The following FBN2 variants were observed in gnomAD, a reference collection of about 807,000 sequenced individuals.
The protein encoded by FBN2 is fibrillin 2.
Under a neutral mutation model 355.6 loss-of-function variants are expected in FBN2, and 105 were observed. The ratio of observed to expected loss-of-function variants is 0.30; its 90% CI spans 0.25 to 0.35. The LOEUF (loss-of-function observed/expected upper bound fraction) is 0.35. FBN2 is among the 10% of genes least tolerant of loss of function. The probability of loss-of-function intolerance (pLI) is 1.00; values close to 1 mark genes in which losing one functional copy is unlikely to be tolerated. For synonymous variants in FBN2, 1,350 were observed against 1,301.2 expected, an observed-to-expected ratio of 1.04 and a Z score of -0.81; for missense variants, 3,280 against 3,758.7, an observed-to-expected ratio of 0.87 and a Z score of 3.33.
At chr5:128,471,828 GTTT>G (rs1442728803) in intron 5 of FBN2, among the ~76,000 whole-genome samples, 1 of 152,088 alleles carries the variant, frequency 6.6e-6, no homozygotes, top group Non-Finnish European at 1.5e-5. Context: ...TATACATGTA[GTTT>G]TTAATTTATT....
chr5:128,530,755 C>T (rs1561501177), intron 2 of FBN2, 62 bp from the exon 3 acceptor site: 4 of 1,083,460 alleles, frequency 3.7e-6, no homozygotes, highest in Non-Finnish European at 5.6e-6. Context: ...GTTTACAAAA[C>T]AAGAAAGCTG....
At chr5:128,421,970 A>T (rs1293473221) in intron 7 of FBN2, among the ~76,000 whole-genome samples, 2 of 152,208 alleles carry the variant, frequency 1.3e-5, no homozygotes, top group Non-Finnish European at 2.9e-5. Flanking sequence ...TATCAGTAGA[A>T]CAAGGAAATA....
At chr5:128,483,448 C>A (rs1221394525) in intron 5 of FBN2, among the ~76,000 whole-genome samples, 1 of 151,912 alleles carries the variant, frequency 6.6e-6, no homozygotes, top group African/African-American at 2.4e-5. Context: ...CGGAGAGAAA[C>A]CATACCAGCT....
chr5:128,457,678 A>G (rs1220894875), intron 6 of FBN2, among the ~76,000 whole-genome samples: 2 of 151,580 alleles, frequency 1.3e-5, no homozygotes, highest in African/African-American at 4.8e-5. Context: ...AATTCTCAAC[A>G]CAGAATTTCA....
chr5:128,374,779 G>A (rs1440379282), intron 14 of FBN2, 29 bp from the exon 15 acceptor site: 1 of 1,613,260 alleles, frequency 6.2e-7, no homozygotes, highest in African/African-American at 1.3e-5. Context: ...AAGCCAAGCA[G>A]TTACTGGGTA....
intron 39 of FBN2, among the ~76,000 whole-genome samples, chr5:128,310,363 CACATATATATAT>C (rs1417920313): frequency 2.5e-4 from 15 of 58,964 alleles, no homozygotes; most frequent in African/African-American, 1.0e-3. Context: ...ATTTCCTTGG[CACATATATATAT>C]ATATATATAT....
At chr5:128,334,685 G>A (rs1750788420) in intron 31 of FBN2, 34 bp downstream of exon 31, 1 of 1,613,032 alleles carries the variant, frequency 6.2e-7, no homozygotes, top group African/African-American at 1.3e-5. Context: ...CATCTGAGAA[G>A]TTGAAATACA....
intron 34 of FBN2, among the ~76,000 whole-genome samples, chr5:128,325,537 A>G (rs1750520789): frequency 6.6e-6 from 1 of 152,214 alleles, no homozygotes; most frequent in African/African-American, 2.4e-5. Context: ...TTCTATCTGA[A>G]GTCTTCAATC....
intron 5 of FBN2, among the ~76,000 whole-genome samples, chr5:128,496,654 A>G (rs1005678945): frequency 6.6e-6 from 1 of 152,172 alleles, no homozygotes; most frequent in African/African-American, 2.4e-5. Context: ...GGTTCCAGCC[A>G]GAATCAGACA....
intron 5 of FBN2, among the ~76,000 whole-genome samples, chr5:128,482,779 C>T (rs1274249192): frequency 6.6e-6 from 1 of 152,124 alleles, no homozygotes; most frequent in Non-Finnish European, 1.5e-5. Context: ...AAAGGTATAA[C>T]TACTTATTCT....
intron 4 of FBN2, among the ~76,000 whole-genome samples, chr5:128,520,744 T>C (rs1480143027): frequency 1.3e-5 from 2 of 152,140 alleles, no homozygotes; most frequent in South Asian, 2.1e-4. Flanking sequence ...GAGGCATTTG[T>C]TGATAAGTTA....
At chr5:128,304,264 G>C (rs1274691969) in intron 45 of FBN2, among the ~76,000 whole-genome samples, 2 of 152,188 alleles carry the variant, frequency 1.3e-5, no homozygotes, top group African/African-American at 4.8e-5. Context: ...CAGAGGCAGA[G>C]CCAACTGCTG....
chr5:128,426,480 C>T (rs1561451255), intron 7 of FBN2, among the ~76,000 whole-genome samples: 1 of 152,098 alleles, frequency 6.6e-6, no homozygotes, highest in Non-Finnish European at 1.5e-5. Flanking sequence ...TTTGAAACTG[C>T]TAGAGTGCAA....
At chr5:128,437,572 A>C (rs1753800217) in intron 7 of FBN2, among the ~76,000 whole-genome samples, 1 of 152,144 alleles carries the variant, frequency 6.6e-6, no homozygotes, top group African/African-American at 2.4e-5. Context: ...TCATGGTCCT[A>C]GCTTTTGGTT....
intron 37 of FBN2, 131 bp downstream of exon 37, chr5:128,312,503 G>C (rs767134679): frequency 3.3e-6 from 3 of 907,930 alleles, no homozygotes; most frequent in African/African-American, 1.6e-5. Context: ...AGTGATCACT[G>C]AAAGTAGTTC....
intron 40 of FBN2, 36 bp downstream of exon 40, chr5:128,309,947 A>G (rs2126843646): frequency 6.2e-7 from 1 of 1,610,044 alleles, no homozygotes. Context: ...GAAGTCAACA[A>G]CTGTGCTCTA....
At chr5:128,431,361 A>C (rs1561453611) in intron 7 of FBN2, among the ~76,000 whole-genome samples, 1 of 152,188 alleles carries the variant, frequency 6.6e-6, no homozygotes, top group Non-Finnish European at 1.5e-5. Flanking sequence ...TGGATGCCTG[A>C]AACCATGCAT....
At chr5:128,500,430 CTTTTTTTTTTTTTTT>C (rs149068555) in intron 5 of FBN2, among the ~76,000 whole-genome samples, 5 of 51,192 alleles carry the variant, frequency 9.8e-5, no homozygotes, top group East Asian at 1.0e-3. Context: ...TCTGACAATT[CTTTTTTTTTTTTTTT>C]TTTTTTTTTT....
chr5:128,483,504 GT>G (rs930513604), intron 5 of FBN2, among the ~76,000 whole-genome samples: 374 of 146,438 alleles, frequency 2.6e-3, no homozygotes, highest in African/African-American at 6.7e-3. Flanking sequence ...GGTTGGCTGA[GT>G]TTTTTTTTTT....
Sources: allele counts gnomAD v4.1 joint callset (sites outside exome capture counted in the v4.1 genomes callset), GRCh38; gene constraint gnomAD v4.1.1; transcripts MANE v1.5; gene names NCBI Gene and HGNC (gene_info 2026-07-23, HGNC 2026-07-21).